The following ABHD17C variants were observed in gnomAD, a reference collection of about 807,000 sequenced individuals.
ABHD17C encodes abhydrolase domain containing 17C, depalmitoylase, also known as alpha/beta hydrolase domain-containing protein 17C.
ABHD17C carries 11 observed loss-of-function variants against 27.9 expected under a neutral mutation model. The observed-to-expected ratio is 0.39, with a 90% CI of 0.25 to 0.65. The LOEUF is 0.65. Among genes scored for constraint, ABHD17C ranks in the 30% least tolerant of loss-of-function variants. ABHD17C has a pLI of 0.45. For synonymous variants in ABHD17C, 233 were observed against 209.1 expected (o/e 1.11, Z -0.98); for missense variants, 280 against 470.2 (o/e 0.60, Z 3.74).
At chr15:80,733,142 G>A (rs1895079322) in intron 1 of ABHD17C, among the ~76,000 whole-genome samples, 2 of 152,182 alleles carry the variant, frequency 1.3e-5, no homozygotes, top group South Asian at 2.1e-4. Context: ...CTGTCTGATT[G>A]CAGAGCGTAC....
At chr15:80,738,315 A>G (rs1225021613) in intron 1 of ABHD17C, among the ~76,000 whole-genome samples, 1 of 152,224 alleles carries the variant, frequency 6.6e-6, no homozygotes, top group African/African-American at 2.4e-5. Context: ...AGGACAGAAC[A>G]GGTGGGAAGT....
intron 1 of ABHD17C, among the ~76,000 whole-genome samples, chr15:80,743,002 A>AGGGGGGGG (rs1895231072): frequency 4.8e-4 from 1 of 2,072 alleles, no homozygotes; most frequent in Non-Finnish European, 9.6e-4. Context: ...AGTGGGTGGG[A>AGGGGGGGG]GGGTGGGGTG....
chr15:80,698,342 G>A lies in ABHD17C; in HGVS notation c.590+2323G>A, dbSNP rs1046233960. On this transcript the variant is annotated intron_variant, in intron 1 of 2. Transcript: ENST00000258884. ...GACTCCCAAAGTGCTGGGATTACAG[G>A]CGTGAGCCACCGCGCCTGGCCTATT... is the stretch of plus-strand genomic sequence containing the variant. Among the ~76,000 whole-genome samples, 11 of 152,162 alleles carry A rather than the reference G, an allele frequency of 7.2e-5. 1 individual carries two copies. Among genetic ancestry groups the A allele is most frequent in the East Asian group, 1.9e-4 (1 of 5,184 alleles).
intron 1 of ABHD17C, among the ~76,000 whole-genome samples, chr15:80,723,351 C>T (rs1242330897): frequency 6.6e-6 from 1 of 152,140 alleles, no homozygotes; most frequent in Non-Finnish European, 1.5e-5. Context: ...ATGAAGCCTG[C>T]ACAGTTGCAG....
At chr15:80,723,146 G>A (rs934998919) in intron 1 of ABHD17C, among the ~76,000 whole-genome samples, 1 of 149,922 alleles carries the variant, frequency 6.7e-6, no homozygotes, top group African/African-American at 2.4e-5. Context: ...ATATGTGTGT[G>A]TGTGTGTGTG....
At chr15:80,736,743 A>T (rs1451596667) in intron 1 of ABHD17C, among the ~76,000 whole-genome samples, 1 of 152,218 alleles carries the variant, frequency 6.6e-6, no homozygotes, top group African/African-American at 2.4e-5. Flanking sequence ...TTCTCTGAAG[A>T]TAAATGGGAG....
chr15:80,705,333 T>TTTTGTGTG (rs10523879), intron 1 of ABHD17C, among the ~76,000 whole-genome samples: 10,351 of 106,970 alleles, frequency 0.097, 630 homozygotes, highest in Middle Eastern at 0.21. Context: ...TTCCTATGAT[T>TTTTGTGTG]TGTGTGTGTG....
intron 1 of ABHD17C, among the ~76,000 whole-genome samples, chr15:80,708,004 T>C (rs1894671631): frequency 6.6e-6 from 1 of 152,200 alleles, no homozygotes; most frequent in South Asian, 2.1e-4. Flanking sequence ...TCCAGCTGCC[T>C]CTGGCTGCGG....
chr15:80,704,465 G>C (rs1894614892), intron 1 of ABHD17C: 1 of 146,372 alleles, frequency 6.8e-6, no homozygotes, highest in Admixed American at 6.8e-5. Context: ...GTTAGTGAGG[G>C]CTGCATGGCG....
At chr15:80,726,267 T>C (rs1894973688) in intron 1 of ABHD17C, among the ~76,000 whole-genome samples, 2 of 152,196 alleles carry the variant, frequency 1.3e-5, no homozygotes, top group South Asian at 4.1e-4. Flanking sequence ...ACCCACAACC[T>C]TCCAGCTTGG....
intron 1 of ABHD17C, among the ~76,000 whole-genome samples, chr15:80,729,430 T>C (rs1470792512): frequency 6.6e-6 from 1 of 152,214 alleles, no homozygotes; most frequent in Admixed American, 6.5e-5. Flanking sequence ...AATTCTAATA[T>C]GTTGTAGAAA....
At chr15:80,736,820 C>T (rs1211567963) in intron 1 of ABHD17C, among the ~76,000 whole-genome samples, 2 of 152,138 alleles carry the variant, frequency 1.3e-5, no homozygotes, top group African/African-American at 4.8e-5. Context: ...CTCAGGGAGG[C>T]CAGGCTTGTT....
At chr15:80,725,688 T>A (rs1172292674) in intron 1 of ABHD17C, among the ~76,000 whole-genome samples, 1 of 152,154 alleles carries the variant, frequency 6.6e-6, no homozygotes, top group African/African-American at 2.4e-5. Flanking sequence ...AATTTTTATT[T>A]ATTTATTTTT....
rs1895138823 is a variant in ABHD17C at position 80,736,920 on chromosome 15, C to T, written c.591-12593C>T. Reference sequence around the variant, plus strand: ...AGTGATCGTTCCCATGAGACACCATCTCCTTGGCGCTGTCAGCCTCCATTG... The same window carrying T: ...AGTGATCGTTCCCATGAGACACCATTTCCTTGGCGCTGTCAGCCTCCATTG... On this transcript the variant is annotated intron_variant, in intron 1 of 2. Transcript: ENST00000258884. 3.3e-5 allele frequency among the ~76,000 whole-genome samples: 5 copies of T among 152,350 alleles called. No homozygotes were observed. The South Asian group carries it at 1.0e-3, about 32-fold the overall frequency.
chr15:80,720,046 C>T (rs551045427), intron 1 of ABHD17C, among the ~76,000 whole-genome samples: 1 of 152,338 alleles, frequency 6.6e-6, no homozygotes, highest in Admixed American at 6.5e-5. Flanking sequence ...GAAGCCCTCC[C>T]ACCTTAGCCT....
At chr15:80,717,594 C>G (rs1239595032) in intron 1 of ABHD17C, among the ~76,000 whole-genome samples, 1 of 152,092 alleles carries the variant, frequency 6.6e-6, no homozygotes, top group Admixed American at 6.6e-5. Flanking sequence ...TCATGTTAGC[C>G]AGGCTGGTCT....
At chr15:80,743,113 C>T (rs1369398866) in intron 1 of ABHD17C, among the ~76,000 whole-genome samples, 1 of 151,970 alleles carries the variant, frequency 6.6e-6, no homozygotes, top group Admixed American at 6.6e-5. Context: ...ATATCTGTGG[C>T]ATTGAGAGAA....
chr15:80,713,426 C>T (rs1894756430), intron 1 of ABHD17C, among the ~76,000 whole-genome samples: 1 of 120,366 alleles, frequency 8.3e-6, no homozygotes. Flanking sequence ...AGATAGGGAA[C>T]TCCAGGAGTG....
chr15:80,755,168 G>T lies in ABHD17C; in HGVS notation c.*798G>T, dbSNP rs1171884098. The stretch of plus-strand genomic sequence containing the variant: ...TGGTAGATATGATTTCTTTTGTCAG[G>T]CTACAACAATGAACTGCAGATTCCT... On this transcript the variant is annotated 3_prime_UTR_variant, in exon 3 of 3. Transcript: ENST00000258884. 1 of 152,106 alleles carries T rather than the reference G, an allele frequency of 6.6e-6. No individual in the cohort carries two copies. Among genetic ancestry groups the T allele is most frequent in the African/African-American group, 2.4e-5 (1 of 41,430 alleles). 9.4% of individuals were successfully genotyped at this position (152,106 alleles called of 1,614,324 possible).
Sources: allele counts gnomAD v4.1 joint callset (sites outside exome capture counted in the v4.1 genomes callset), GRCh38; gene constraint gnomAD v4.1.1; transcripts MANE v1.5; gene names NCBI Gene and HGNC (gene_info 2026-07-23, HGNC 2026-07-21).